PTPRD: variants seen among roughly 807,000 people sequenced by gnomAD.
The protein encoded by PTPRD is protein tyrosine phosphatase receptor type D.
A neutral mutation model predicts 214.5 loss-of-function variants in PTPRD; 34 were observed. That is an observed-to-expected ratio of 0.16 (90% CI 0.12 to 0.21). The LOEUF (loss-of-function observed/expected upper bound fraction) is 0.21, where lower values mean the gene tolerates loss of function less well. PTPRD is among the 10% of genes least tolerant of loss of function. The pLI is 1.00. For missense variants in PTPRD, 2,545 were observed against 2,398.7 expected (o/e 1.06, Z -1.27); for synonymous variants, 1,128 against 845.7 (o/e 1.33, Z -5.79).
intron 2 of PTPRD, among the ~76,000 whole-genome samples, chr9:10,381,387 A>T (rs1052527589): frequency 6.6e-6 from 1 of 152,018 alleles, no homozygotes. Context: ...CATCATTTCT[A>T]TATTGCAGAA....
chr9:9,523,466 T>G (rs2097040987), intron 8 of PTPRD, among the ~76,000 whole-genome samples: 1 of 152,184 alleles, frequency 6.6e-6, no homozygotes, highest in Non-Finnish European at 1.5e-5. Flanking sequence ...TAAATAAATA[T>G]TGGATTATAG....
At chr9:9,467,234 T>TTTTTTTTTTTTTTTTTC (rs1569568586) in intron 8 of PTPRD, among the ~76,000 whole-genome samples, 2 of 123,054 alleles carry the variant, frequency 1.6e-5, no homozygotes, top group Non-Finnish European at 3.4e-5. Context: ...TTTTTTTTTT[T>TTTTTTTTTTTTTTTTTC]TTTAACCTAA....
chr9:9,864,964 G>A (rs1176058287), intron 5 of PTPRD, among the ~76,000 whole-genome samples: 3 of 151,948 alleles, frequency 2.0e-5, no homozygotes, highest in Non-Finnish European at 4.4e-5. Context: ...ATATTATGGT[G>A]TATATTATAG....
chr9:9,102,329 C>A (rs150947281), intron 10 of PTPRD, among the ~76,000 whole-genome samples: 5 of 152,174 alleles, frequency 3.3e-5, no homozygotes, highest in Non-Finnish European at 7.3e-5. Flanking sequence ...CATTCTATGG[C>A]CACCAACAGG....
At chr9:8,389,182 G>A (rs754826086) in intron 37 of PTPRD, 50 bp downstream of exon 37, 4 of 1,496,836 alleles carry the variant, frequency 2.7e-6, no homozygotes, top group Non-Finnish European at 3.6e-6. Flanking sequence ...GCAACATAGG[G>A]ACTCTGAGGG....
At chr9:8,923,379 A>G (rs1358588741) in intron 11 of PTPRD, among the ~76,000 whole-genome samples, 3 of 151,948 alleles carry the variant, frequency 2.0e-5, no homozygotes, top group African/African-American at 7.3e-5. Flanking sequence ...GTTACTCAGC[A>G]CCGAGAGCAA....
intron 2 of PTPRD, among the ~76,000 whole-genome samples, chr9:10,474,058 T>C (rs542514276): frequency 6.6e-6 from 1 of 152,226 alleles, no homozygotes; most frequent in Non-Finnish European, 1.5e-5. Context: ...CCAGTGACAC[T>C]ATGAATAAAC....
chr9:10,517,392 C>T (rs1353364898), intron 2 of PTPRD, among the ~76,000 whole-genome samples: 1 of 151,918 alleles, frequency 6.6e-6, no homozygotes, highest in Non-Finnish European at 1.5e-5. Context: ...ATCAACAATG[C>T]AACTGATTTT....
chr9:9,336,820 C>A (rs2044687180), intron 9 of PTPRD, among the ~76,000 whole-genome samples: 1 of 151,962 alleles, frequency 6.6e-6, no homozygotes, highest in Admixed American at 6.6e-5. Context: ...AATTATTTGA[C>A]TTTAAGTCTC....
At chr9:8,656,277 T>C (rs1002462105) in intron 12 of PTPRD, among the ~76,000 whole-genome samples, 2 of 152,164 alleles carry the variant, frequency 1.3e-5, no homozygotes, top group African/African-American at 2.4e-5. Flanking sequence ...TACAACCTTT[T>C]TGTGTATTTG....
intron 9 of PTPRD, among the ~76,000 whole-genome samples, chr9:9,270,561 C>T (rs1244391483): frequency 1.3e-5 from 2 of 151,260 alleles, no homozygotes; most frequent in African/African-American, 4.8e-5. Context: ...ATAATGTGCT[C>T]ATGCTGGTGA....
intron 9 of PTPRD, among the ~76,000 whole-genome samples, chr9:9,343,260 T>C (rs2047524607): frequency 6.6e-6 from 1 of 152,178 alleles, no homozygotes; most frequent in South Asian, 2.1e-4. Flanking sequence ...ATGGGATTGC[T>C]GGGTCAAATG....
rs144646920 is a variant in PTPRD at position 10,201,764 on chromosome 9, G to T, written c.-545+139199C>A. 1.5e-3 allele frequency among the ~76,000 whole-genome samples: 230 copies of T among 152,114 alleles called. 3 individuals are homozygous for T. The highest frequency in any genetic ancestry group is 4.9e-3 in the African/African-American group (202 of 41,524). ...ATGTAAGCATCACATTGTATCCCAT[G>T]AATGTATGCGATTATGATTTGTCAA... On this transcript the variant is annotated intron_variant, in intron 3 of 45. Coordinates refer to ENST00000381196, the MANE Select transcript of PTPRD (RefSeq NM_002839.4).
chr9:8,374,603 A>G lies in PTPRD; in HGVS notation c.4661+1333T>C, dbSNP rs2082667094. On this transcript the variant is annotated intron_variant, in intron 39 of 45. Coordinates refer to ENST00000381196, the MANE Select transcript of PTPRD (RefSeq NM_002839.4). ...CACCTTCTTAGTTATCAGTACTTGA[A>G]GCAAACTTTGTAGCCTCTCACTTCT... Among the ~76,000 whole-genome samples the G allele has an allele frequency of 2.0e-5, 3 of 152,002 alleles. No homozygotes were observed. The South Asian group carries it at 6.2e-4, about 32-fold the overall frequency.
intron 3 of PTPRD, among the ~76,000 whole-genome samples, chr9:10,173,220 T>C (rs1172685458): frequency 6.6e-6 from 1 of 152,196 alleles, no homozygotes; most frequent in African/African-American, 2.4e-5. Flanking sequence ...CTTTAGCGTA[T>C]TCTAGTAGTG....
Position 9,371,871 on chromosome 9 carries a change from C to G in PTPRD, c.-203+25578G>C, listed in dbSNP as rs1347368372. Among the ~76,000 whole-genome samples the G allele has an allele frequency of 7.9e-5, 12 of 152,064 alleles. No homozygotes were observed. The South Asian group carries it at 8.3e-4, about 11-fold the overall frequency. Reference sequence around the variant, plus strand: ...ATTTCTGTCTTCATTTCGTTATGTACCCAGTAGTCTTTCAGGAGCAGGTTG... The same window carrying G: ...ATTTCTGTCTTCATTTCGTTATGTAGCCAGTAGTCTTTCAGGAGCAGGTTG... On this transcript the variant is annotated intron_variant, in intron 9 of 45. Transcript: ENST00000381196.
At chr9:8,894,280 G>C (rs928939645) in intron 11 of PTPRD, among the ~76,000 whole-genome samples, 5 of 146,172 alleles carry the variant, frequency 3.4e-5, no homozygotes, top group African/African-American at 1.2e-4. Flanking sequence ...GCTTGAACCT[G>C]GGAGGCAGAG....
chr9:10,120,147 T>A (rs2098763407), intron 3 of PTPRD, among the ~76,000 whole-genome samples: 1 of 152,080 alleles, frequency 6.6e-6, no homozygotes, highest in South Asian at 2.1e-4. Context: ...AATTTTACAC[T>A]TCATAATAAC....
intron 5 of PTPRD, among the ~76,000 whole-genome samples, chr9:9,768,223 T>C (rs184210642): frequency 1.3e-5 from 2 of 152,268 alleles, no homozygotes; most frequent in East Asian, 3.9e-4. Flanking sequence ...ACTACTTACA[T>C]ACCCTCTCTG....
Sources: gnomAD v4.1 joint callset for allele counts (sites outside exome capture counted in the v4.1 genomes callset) on GRCh38, gnomAD v4.1.1 for gene constraint, MANE v1.5 for transcripts, NCBI Gene and HGNC (gene_info 2026-07-23, HGNC 2026-07-21) for gene names.